Variants in BCO1 observed in about 807,000 individuals in gnomAD.
The protein encoded by BCO1 is beta,beta-carotene 15,15'-dioxygenase.
Under a neutral mutation model 56.3 loss-of-function variants are expected in BCO1, and 54 were observed. The observed-to-expected ratio is 0.96, with a 90% CI of 0.77 to 1.20. The LOEUF is 1.20. Among genes scored for constraint, BCO1 ranks in the 50% most tolerant of loss-of-function variants. The pLI, the probability that BCO1 is intolerant of heterozygous loss-of-function variation, is 0.00. For missense variants in BCO1, 801 were observed against 690.9 expected, an observed-to-expected ratio of 1.16 and a Z score of -1.79; for synonymous variants, 318 against 266.1, an observed-to-expected ratio of 1.20 and a Z score of -1.90.
intron 7 of BCO1, among the ~76,000 whole-genome samples, chr16:81,270,998 C>T (rs1324121760): frequency 1.3e-5 from 2 of 152,224 alleles, no homozygotes; most frequent in Non-Finnish European, 2.9e-5. Context: ...CCCGCCTCGG[C>T]CTCCCAAAGT....
At chr16:81,272,115 T>C (rs1397165973) in intron 7 of BCO1, among the ~76,000 whole-genome samples, 1 of 47,048 alleles carries the variant, frequency 2.1e-5, no homozygotes, top group Non-Finnish European at 4.6e-5. Flanking sequence ...TTTTCTTTCT[T>C]TTTTTTTTTT....
At chr16:81,244,271 C>T (rs1023876229) in intron 1 of BCO1, among the ~76,000 whole-genome samples, 1 of 152,190 alleles carries the variant, frequency 6.6e-6, no homozygotes, top group African/African-American at 2.4e-5. Context: ...GAAAGAGAAC[C>T]TATGCCACAC....
In BCO1 at chr16:81,290,816, C is replaced by T; in HGVS notation, c.*239C>T. On this transcript the variant is annotated 3_prime_UTR_variant, in exon 11 of 11. Coordinates refer to ENST00000258168, the MANE Select transcript of BCO1 (RefSeq NM_017429.3). ...AAATATGTATTGATTAGATCCAGTCCTTCTAAGAAACCTCCTTTCCTTTAA... is the reference window on the plus strand; with the variant it reads ...AAATATGTATTGATTAGATCCAGTCTTTCTAAGAAACCTCCTTTCCTTTAA... 1 of 462,442 alleles carries T rather than the reference C, an allele frequency of 2.2e-6. No individual in the cohort carries two copies. Among genetic ancestry groups the T allele is most frequent in the Admixed American group, 3.7e-5 (1 of 26,822 alleles). The allele number at this position is 462,442 out of a possible 1,614,324, so 28.6% of individuals were successfully genotyped here.
At chr16:81,288,263 C>T (rs1349432230) in intron 10 of BCO1, among the ~76,000 whole-genome samples, 1 of 152,054 alleles carries the variant, frequency 6.6e-6, no homozygotes, top group East Asian at 1.9e-4. Flanking sequence ...TGGCTGGATC[C>T]CAAACAAATG....
intron 4 of BCO1, chr16:81,264,226 C>A (rs1273859081): frequency 7.2e-6 from 2 of 276,744 alleles, no homozygotes; most frequent in African/African-American, 2.2e-5. Flanking sequence ...GAACTGTGGC[C>A]AAGATTAGCT....
At position 81,291,084 on chromosome 16, in the gene BCO1, T is replaced by A. The variant is rs548879479; in HGVS notation, c.*507T>A. On this transcript the variant is annotated 3_prime_UTR_variant, in exon 11 of 11. Transcript: ENST00000258168. ...ACATGACCAGGAAGGTTATGCCACT[T>A]TGTGGTCATTCCATGCAAGTCATGG... 2 of 155,306 alleles carry A rather than the reference T, an allele frequency of 1.3e-5. No individual in the cohort carries two copies. Among genetic ancestry groups the A allele is most frequent in the Non-Finnish European group, 2.9e-5 (2 of 69,684 alleles). The allele number at this position is 155,306 out of a possible 1,614,324, so 9.6% of individuals were successfully genotyped here.
At position 81,259,711 on chromosome 16, in the gene BCO1, G is replaced by T. The variant is rs200423956; in HGVS notation, c.229G>T (p.Asp77Tyr). ...VYYRSKYLRS[D>Y]TYNTNIEANR... ...TTACAGGAGCAAATACCTGAGAAGCGATACCTACAACACCAATATTGAGGC... is the reference window on the plus strand; with the variant it reads ...TTACAGGAGCAAATACCTGAGAAGCTATACCTACAACACCAATATTGAGGC... Residue 77 changes from aspartate (D) to tyrosine (Y), a missense_variant, in exon 3 of 11, where the codon GAT becomes TAT. Physicochemically the swap from Asp to Tyr is radical, Grantham distance 160. Transcript: ENST00000258168. 12 of 1,614,162 alleles carry T rather than the reference G, an allele frequency of 7.4e-6. No homozygotes were observed. The highest frequency in any genetic ancestry group is 1.0e-5 in the Non-Finnish European group (12 of 1,180,026).
chr16:81,272,322 G>A (rs1162789217), intron 7 of BCO1, among the ~76,000 whole-genome samples: 2 of 150,840 alleles, frequency 1.3e-5, no homozygotes, highest in African/African-American at 4.9e-5. Flanking sequence ...GTTTCACCGT[G>A]TTAGCCAGGA....
intron 10 of BCO1, among the ~76,000 whole-genome samples, 161 bp from the exon 11 acceptor site, chr16:81,290,187 G>A (rs1365490819): frequency 6.6e-6 from 1 of 152,160 alleles, no homozygotes; most frequent in Non-Finnish European, 1.5e-5. Flanking sequence ...CTGATGCCTA[G>A]TTGCCAGGCC....
At chr16:81,242,192 CTTTTTTTT>C (rs796252592) in intron 1 of BCO1, among the ~76,000 whole-genome samples, 881 of 78,792 alleles carry the variant, frequency 0.011, 8 homozygotes, top group African/African-American at 0.041. Flanking sequence ...ACTTGGCTGT[CTTTTTTTT>C]TTTTTTTTTT....
intron 1 of BCO1, 45 bp downstream of exon 1, chr16:81,239,017 A>ATT: frequency 2.7e-6 from 4 of 1,490,598 alleles, no homozygotes; most frequent in Non-Finnish European, 1.8e-6. Flanking sequence ...TATTTATTTT[A>ATT]TTATTTTTTT....
chr16:81,259,615 C>T (rs1597356325), intron 2 of BCO1, 61 bp from the exon 3 acceptor site: 1 of 1,610,778 alleles, frequency 6.2e-7, no homozygotes, highest in East Asian at 2.2e-5. Context: ...CAAGGACTGA[C>T]ATTGATTTTA....
rs1440497824 is a variant in BCO1, at chr16:81,280,222, C to T, written c.1102-635C>T. On this transcript the variant is annotated intron_variant, in intron 7 of 10. Coordinates refer to ENST00000258168, the MANE Select transcript of BCO1 (RefSeq NM_017429.3). Reference sequence around the variant, plus strand: ...AGGTTGCGGTAAGCCAAGATCACACCACTGCACTCCGGACTCCAGTCTGGG... The same window carrying T: ...AGGTTGCGGTAAGCCAAGATCACACTACTGCACTCCGGACTCCAGTCTGGG... 5.7e-5 allele frequency among the ~76,000 whole-genome samples: 7 copies of T among 122,514 alleles called. No homozygotes were observed. The Admixed American group carries it at 7.7e-4, about 13-fold the overall frequency. 80.4% of individuals were successfully genotyped at this position (122,514 alleles called of 152,430 possible). A position where few individuals can be genotyped will look rare whatever the true frequency, so the allele number is the denominator to read the frequency against.
At chr16:81,252,290 T>C (rs988357411) in intron 2 of BCO1, among the ~76,000 whole-genome samples, 6 of 151,950 alleles carry the variant, frequency 3.9e-5, no homozygotes, top group African/African-American at 1.2e-4. Context: ...GATGGAGACT[T>C]GCTCTGTCAC....
At chr16:81,256,982 C>G (rs1906176754) in intron 2 of BCO1, among the ~76,000 whole-genome samples, 1 of 152,198 alleles carries the variant, frequency 6.6e-6, no homozygotes. Flanking sequence ...CCAAATCCCT[C>G]TCTAATGTTC....
chr16:81,262,327 A>G (rs1378500285), intron 4 of BCO1, 44 bp downstream of exon 4: 1 of 1,597,636 alleles, frequency 6.3e-7, no homozygotes, highest in Non-Finnish European at 8.6e-7. Flanking sequence ...GACTCAAGAA[A>G]GGGAGAGTCG....
intron 5 of BCO1, among the ~76,000 whole-genome samples, chr16:81,266,453 T>G (rs1208789845): frequency 6.6e-6 from 1 of 152,166 alleles, no homozygotes; most frequent in Admixed American, 6.5e-5. Flanking sequence ...CTGTGATCCT[T>G]GCTGCTCCCC....
chr16:81,246,483 A>G (rs1366163024), intron 2 of BCO1, among the ~76,000 whole-genome samples: 2 of 152,074 alleles, frequency 1.3e-5, no homozygotes, highest in East Asian at 3.9e-4. Flanking sequence ...AATAATATAC[A>G]TCCTCAATCA....
At chr16:81,250,560 C>A (rs1459932648) in intron 2 of BCO1, among the ~76,000 whole-genome samples, 1 of 150,488 alleles carries the variant, frequency 6.6e-6, no homozygotes, top group East Asian at 1.9e-4. Context: ...GGTTTGTGTG[C>A]CTCCTTTCTC....
Sources: allele counts gnomAD v4.1 joint callset (sites outside exome capture counted in the v4.1 genomes callset), GRCh38; gene constraint gnomAD v4.1.1; transcripts MANE v1.5; gene names NCBI Gene and HGNC (gene_info 2026-07-23, HGNC 2026-07-21).